Variants in CTNNA2 observed in about 807,000 individuals in gnomAD.
The protein encoded by CTNNA2 is catenin alpha 2, also known as catenin alpha-2.
A neutral mutation model predicts 101.0 loss-of-function variants in CTNNA2; 42 were observed. That is an observed-to-expected ratio of 0.42 (90% confidence interval 0.32 to 0.54). The LOEUF (loss-of-function observed/expected upper bound fraction) is 0.54, where lower values mean the gene tolerates loss of function less well. Ranked by LOEUF, CTNNA2 falls within the 20% of genes least tolerant of loss-of-function variation. The pLI, the probability that CTNNA2 is intolerant of heterozygous loss-of-function variation, is 0.14. For missense variants in CTNNA2, 871 were observed against 1,223.1 expected, an observed-to-expected ratio of 0.71 and a Z score of 4.29; for synonymous variants, 450 against 456.4, an observed-to-expected ratio of 0.99 and a Z score of 0.18.
intron 2 of CTNNA2, among the ~76,000 whole-genome samples, chr2:79,263,681 T>C (rs1010827983): frequency 7.2e-5 from 11 of 152,144 alleles, no homozygotes; most frequent in Admixed American, 3.3e-4. Flanking sequence ...TTCTCATGAA[T>C]AGATTAACTT....
At chr2:80,246,903 T>A (rs1307494893) in intron 7 of CTNNA2, among the ~76,000 whole-genome samples, 1 of 152,214 alleles carries the variant, frequency 6.6e-6, no homozygotes, top group Non-Finnish European at 1.5e-5. Flanking sequence ...AATCAAGGCC[T>A]ATGGTACCTT....
intron 7 of CTNNA2, chr2:80,305,142 C>G: frequency 1.0e-6 from 1 of 985,374 alleles, no homozygotes; most frequent in Non-Finnish European, 1.2e-6. Context: ...AGAGAAGACA[C>G]AGGAAGGCAA....
At chr2:79,887,734 A>G (rs1238668915) in intron 6 of CTNNA2, among the ~76,000 whole-genome samples, 1 of 152,162 alleles carries the variant, frequency 6.6e-6, no homozygotes. Flanking sequence ...AAACTTTTCC[A>G]TCTTTAGGGC....
At chr2:80,365,656 TA>T (rs1392257843) in intron 7 of CTNNA2, among the ~76,000 whole-genome samples, 1 of 151,880 alleles carries the variant, frequency 6.6e-6, no homozygotes, top group South Asian at 2.1e-4. Flanking sequence ...TAGACACTTT[TA>T]AAAAAAAGAT....
At chr2:80,099,755 C>CAAAA (rs11435408) in intron 7 of CTNNA2, among the ~76,000 whole-genome samples, 2 of 141,470 alleles carry the variant, frequency 1.4e-5, no homozygotes, top group East Asian at 2.1e-4. Flanking sequence ...CTCTTTCCTT[C>CAAAA]AAAAAAAAAA....
chr2:79,835,290 T>A (rs1451103236), intron 3 of CTNNA2, among the ~76,000 whole-genome samples: 1 of 152,182 alleles, frequency 6.6e-6, no homozygotes, highest in Non-Finnish European at 1.5e-5. Context: ...TCCATATAAA[T>A]CTGTTTTCTC....
intron 16 of CTNNA2, among the ~76,000 whole-genome samples, chr2:80,604,813 C>T (rs530107097): frequency 3.6e-4 from 55 of 151,820 alleles, no homozygotes; most frequent in Middle Eastern, 3.4e-3. Context: ...AAAGTTGTCG[C>T]GGACTCTACC....
chr2:79,541,228 A>G (rs941454403), intron 1 of CTNNA2, among the ~76,000 whole-genome samples: 2 of 151,392 alleles, frequency 1.3e-5, no homozygotes, highest in Non-Finnish European at 2.9e-5. Flanking sequence ...ATATATGTAC[A>G]CACACACAAG....
chr2:80,237,602 G>A (rs1048930781), intron 7 of CTNNA2, among the ~76,000 whole-genome samples: 2 of 152,058 alleles, frequency 1.3e-5, no homozygotes, highest in Non-Finnish European at 2.9e-5. Flanking sequence ...ACAGTGGAAG[G>A]GGCTAGTGAG....
intron 2 of CTNNA2, among the ~76,000 whole-genome samples, chr2:79,301,339 T>A (rs1466555047): frequency 6.6e-6 from 1 of 152,198 alleles, no homozygotes; most frequent in African/African-American, 2.4e-5. Context: ...TTACAGATAC[T>A]CCTTAAATGA....
At chr2:79,823,054 G>T (rs2105387396) in intron 3 of CTNNA2, among the ~76,000 whole-genome samples, 1 of 152,228 alleles carries the variant, frequency 6.6e-6, no homozygotes, top group Non-Finnish European at 1.5e-5. Context: ...TTTCCACAGG[G>T]AAGAGTTCCT....
chr2:79,322,027 T>C (rs1334624644), intron 3 of CTNNA2, among the ~76,000 whole-genome samples: 8 of 152,182 alleles, frequency 5.3e-5, no homozygotes, highest in Non-Finnish European at 1.2e-4. Context: ...AAAATTACAG[T>C]GATCACATCA....
intron 4 of CTNNA2, among the ~76,000 whole-genome samples, chr2:79,860,549 T>TTTTTTTTTTTTG (rs1681530090): frequency 1.3e-5 from 2 of 148,284 alleles, no homozygotes; most frequent in Non-Finnish European, 1.5e-5. Context: ...AAGGGAAGTT[T>TTTTTTTTTTTTG]TTTTTTTTTT....
At chr2:80,046,908 G>A (rs961857508) in intron 7 of CTNNA2, among the ~76,000 whole-genome samples, 1 of 152,124 alleles carries the variant, frequency 6.6e-6, no homozygotes, top group Non-Finnish European at 1.5e-5. Flanking sequence ...GGTATAGCAC[G>A]GATTCAAATC....
intron 7 of CTNNA2, among the ~76,000 whole-genome samples, chr2:80,150,392 C>T (rs1183126861): frequency 1.3e-5 from 2 of 152,128 alleles, no homozygotes; most frequent in Admixed American, 1.3e-4. Flanking sequence ...GAGGACCTTG[C>T]ATGCCGCTCA....
chr2:79,827,533 A>G (rs1032448417), intron 3 of CTNNA2, among the ~76,000 whole-genome samples: 1 of 152,180 alleles, frequency 6.6e-6, no homozygotes, highest in Non-Finnish European at 1.5e-5. Context: ...GTGAGCCTGC[A>G]TATGGGTGAT....
chr2:80,615,408 T>C (rs1477107580), intron 17 of CTNNA2, among the ~76,000 whole-genome samples: 3 of 151,644 alleles, frequency 2.0e-5, no homozygotes, highest in Non-Finnish European at 4.4e-5. Context: ...ATCCCTACTA[T>C]GTAAAAGGCA....
intron 1 of CTNNA2, among the ~76,000 whole-genome samples, chr2:79,599,028 G>A: frequency 6.6e-6 from 1 of 152,042 alleles, no homozygotes; most frequent in East Asian, 1.9e-4. Flanking sequence ...TGAATATCCA[G>A]TTTTTCCAAC....
At chr2:79,445,514 A>G (rs1442102740) in intron 4 of CTNNA2, among the ~76,000 whole-genome samples, 3 of 152,188 alleles carry the variant, frequency 2.0e-5, no homozygotes, top group African/African-American at 7.2e-5. Flanking sequence ...GGGTGAAGTG[A>G]TAAGTGTTTC....
Sources: gnomAD v4.1 joint callset for allele counts (sites outside exome capture counted in the v4.1 genomes callset) on GRCh38, gnomAD v4.1.1 for gene constraint, MANE v1.5 for transcripts, NCBI Gene and HGNC (gene_info 2026-07-23, HGNC 2026-07-21) for gene names.